The following GNG7 variants were observed in gnomAD, a reference collection of about 807,000 sequenced individuals.
The protein encoded by GNG7 is guanine nucleotide-binding protein G(I)/G(S)/G(O) subunit gamma-7.
Under a neutral mutation model 4.0 loss-of-function variants are expected in GNG7, and 1 was observed. That is an observed-to-expected ratio of 0.25 (90% confidence interval 0.09 to 1.18). GNG7 has a LOEUF of 1.18. Among genes scored for constraint, GNG7 ranks in the 50% most tolerant of loss-of-function variants. GNG7 has a pLI of 0.50. For synonymous variants in GNG7, 34 were observed against 36.9 expected (o/e 0.92, Z 0.29); for missense variants, 86 against 91.9 (o/e 0.94, Z 0.26).
chr19:2,672,858 G>C (rs73510557), intron 1 of GNG7, among the ~76,000 whole-genome samples: 12,148 of 152,218 alleles, frequency 0.08, 909 homozygotes, highest in African/African-American at 0.2. Context: ...ACGTGCCCCT[G>C]ATGTGTTCTC....
chr19:2,684,289 A>C (rs1983816812), intron 1 of GNG7, among the ~76,000 whole-genome samples: 1 of 151,844 alleles, frequency 6.6e-6, no homozygotes, highest in Non-Finnish European at 1.5e-5. Context: ...GGGGTCCGCC[A>C]CCACGCCCGG....
chr19:2,668,527 G>A (rs1983369000), intron 1 of GNG7, among the ~76,000 whole-genome samples: 1 of 152,182 alleles, frequency 6.6e-6, no homozygotes, highest in South Asian at 2.1e-4. Context: ...AGATGGAGGG[G>A]CTGCTGGAGG....
chr19:2,552,447 C>T (rs1341878959), intron 3 of GNG7, among the ~76,000 whole-genome samples: 5 of 152,168 alleles, frequency 3.3e-5, no homozygotes, highest in Admixed American at 1.3e-4. Flanking sequence ...TACAATGGTG[C>T]GATCTCGGCT....
chr19:2,645,562 A>ATT (rs140851709), intron 2 of GNG7, among the ~76,000 whole-genome samples: 1 of 151,526 alleles, frequency 6.6e-6, no homozygotes, highest in Admixed American at 6.6e-5. Context: ...TTAAAAAAAA[A>ATT]TTTTGTTTTA....
chr19:2,556,700 C>T (rs748379529), intron 2 of GNG7, among the ~76,000 whole-genome samples: 5 of 152,152 alleles, frequency 3.3e-5, no homozygotes, highest in Non-Finnish European at 7.4e-5. Context: ...CCAGAGGCTC[C>T]CGGGTCTCAG....
chr19:2,573,746 G>C (rs1158579541), intron 2 of GNG7, among the ~76,000 whole-genome samples: 1 of 152,172 alleles, frequency 6.6e-6, no homozygotes, highest in African/African-American at 2.4e-5. Context: ...GGGAGGCTGA[G>C]GCAGGAGAAT....
Position 2,643,581 on chromosome 19 carries a change from C to T in GNG7, c.-78+2643G>A, listed in dbSNP as rs529461533. On this transcript the variant is annotated intron_variant, in intron 2 of 4. Transcript: ENST00000382159. ...GTCCGAGACCTCTCCGGACTCTGCA[C>T]ACCTTCCGGCCCGGCTCCGTCGGCA... 832 of 442,046 alleles carry T rather than the reference C, an allele frequency of 1.9e-3. 2 individuals carry two copies. The highest frequency in any genetic ancestry group is 0.016 in the African/African-American group (749 of 47,912). 27.4% of individuals were successfully genotyped at this position (442,046 alleles called of 1,614,324 possible). A position where few individuals can be genotyped will look rare whatever the true frequency, so the allele number is the denominator to read the frequency against.
intron 2 of GNG7, among the ~76,000 whole-genome samples, chr19:2,598,839 T>A (rs1981114603): frequency 6.6e-6 from 1 of 151,784 alleles, no homozygotes; most frequent in Non-Finnish European, 1.5e-5. Flanking sequence ...AAGAAGGTGA[T>A]CACGGAAAAA....
At chr19:2,568,299 G>A (rs62646518) in intron 2 of GNG7, among the ~76,000 whole-genome samples, 52,651 of 110,994 alleles carry the variant, frequency 0.47, 9,304 homozygotes, top group Admixed American at 0.54. Context: ...ATATACACAC[G>A]CACACACATA....
chr19:2,700,692 C>T (rs1913380193), intron 1 of GNG7: 1 of 152,200 alleles, frequency 6.6e-6, no homozygotes, highest in African/African-American at 2.4e-5. Flanking sequence ...CTGAGAGGCA[C>T]ATGCTACTGT....
chr19:2,684,797 T>C (rs1983830830), intron 1 of GNG7, among the ~76,000 whole-genome samples: 2 of 151,396 alleles, frequency 1.3e-5, no homozygotes, highest in South Asian at 4.2e-4. Context: ...ACGACCAGCC[T>C]GGCCAACATG....
intron 2 of GNG7, among the ~76,000 whole-genome samples, chr19:2,571,596 T>C (rs1052298309): frequency 3.0e-5 from 4 of 133,566 alleles, no homozygotes; most frequent in Non-Finnish European, 6.4e-5. Context: ...TCCTTTTTTT[T>C]TTTTTTTTTT....
chr19:2,652,633 A>G (rs1025366004), intron 1 of GNG7, among the ~76,000 whole-genome samples: 2 of 151,744 alleles, frequency 1.3e-5, no homozygotes, highest in Non-Finnish European at 2.9e-5. Flanking sequence ...ACAAACACAC[A>G]ATCAAAACCT....
At chr19:2,602,137 G>A (rs1409051627) in intron 2 of GNG7, among the ~76,000 whole-genome samples, 2 of 151,988 alleles carry the variant, frequency 1.3e-5, no homozygotes, top group East Asian at 1.9e-4. Flanking sequence ...AGGAGTTCGA[G>A]ACCAGCCTGG....
chr19:2,569,211 A>T (rs1980068070), intron 2 of GNG7, among the ~76,000 whole-genome samples: 1 of 152,206 alleles, frequency 6.6e-6, no homozygotes, highest in Non-Finnish European at 1.5e-5. Flanking sequence ...CAAAGGGTGC[A>T]GCATAACTGC....
intron 3 of GNG7, among the ~76,000 whole-genome samples, chr19:2,548,884 C>G (rs914996154): frequency 2.6e-5 from 4 of 152,124 alleles, no homozygotes; most frequent in Admixed American, 2.6e-4. Flanking sequence ...ACCCAGAGAC[C>G]CTGGTCGAAG....
chr19:2,665,564 T>C (rs548939191), intron 1 of GNG7, among the ~76,000 whole-genome samples: 10 of 152,250 alleles, frequency 6.6e-5, no homozygotes, highest in African/African-American at 1.4e-4. Flanking sequence ...CGAGGAAGGA[T>C]TGGGTGGGGA....
intron 2 of GNG7, among the ~76,000 whole-genome samples, chr19:2,587,947 A>C (rs1421747221): frequency 6.6e-6 from 1 of 151,776 alleles, no homozygotes; most frequent in African/African-American, 2.4e-5. Flanking sequence ...GAAAAGAAAA[A>C]GAAAGAAAGA....
chr19:2,560,334 C>T (rs974874741), intron 2 of GNG7, among the ~76,000 whole-genome samples: 1 of 152,094 alleles, frequency 6.6e-6, no homozygotes, highest in African/African-American at 2.4e-5. Context: ...CCCACATCAC[C>T]CCATCCCCCA....
Sources: allele counts gnomAD v4.1 joint callset (sites outside exome capture counted in the v4.1 genomes callset), GRCh38; gene constraint gnomAD v4.1.1; transcripts MANE v1.5; gene names NCBI Gene and HGNC (gene_info 2026-07-23, HGNC 2026-07-21).